Variants in INPP4B observed in about 807,000 individuals in gnomAD.
INPP4B encodes inositol polyphosphate 4-phosphatase type II.
INPP4B carries 55 observed loss-of-function variants against 122.5 expected under a neutral mutation model. The ratio of observed to expected loss-of-function variants is 0.45; its 90% CI spans 0.36 to 0.56. INPP4B has a LOEUF of 0.56. Ranked by LOEUF, INPP4B falls within the 20% of genes least tolerant of loss-of-function variation. INPP4B has a pLI of 0.00. For missense variants in INPP4B, 1,000 were observed against 1,097.7 expected, an observed-to-expected ratio of 0.91 and a Z score of 1.26; for synonymous variants, 403 against 388.7, an observed-to-expected ratio of 1.04 and a Z score of -0.43.
intron 7 of INPP4B, among the ~76,000 whole-genome samples, chr4:142,336,727 C>G (rs1482857809): frequency 6.6e-6 from 1 of 152,226 alleles, no homozygotes; most frequent in Non-Finnish European, 1.5e-5. Flanking sequence ...CTGCAGCAGG[C>G]CAAGTGGGCA....
intron 7 of INPP4B, among the ~76,000 whole-genome samples, chr4:142,370,091 T>C (rs1789286446): frequency 6.6e-6 from 1 of 152,166 alleles, no homozygotes; most frequent in South Asian, 2.1e-4. Context: ...TGTACATGCA[T>C]ACTCTCATTT....
intron 2 of INPP4B, among the ~76,000 whole-genome samples, chr4:142,585,092 T>G (rs1735878784): frequency 6.6e-6 from 1 of 152,112 alleles, no homozygotes; most frequent in Admixed American, 6.6e-5. Context: ...AGGGATGGGA[T>G]TGCTGTTGTT....
intron 2 of INPP4B, among the ~76,000 whole-genome samples, chr4:142,485,088 G>A (rs1821044689): frequency 6.6e-6 from 1 of 152,064 alleles, no homozygotes; most frequent in Admixed American, 6.6e-5. Flanking sequence ...CTAGGGAATA[G>A]AAGTAGCCTC....
At chr4:142,270,371 C>A (rs555735669) in intron 10 of INPP4B, among the ~76,000 whole-genome samples, 2 of 152,116 alleles carry the variant, frequency 1.3e-5, no homozygotes, top group African/African-American at 4.8e-5. Flanking sequence ...TGGTAAAATG[C>A]GACAATGATC....
intron 1 of INPP4B, among the ~76,000 whole-genome samples, chr4:142,764,909 A>C (rs992710415): frequency 1.3e-5 from 2 of 152,118 alleles, no homozygotes; most frequent in African/African-American, 4.8e-5. Context: ...GGGAACCATG[A>C]AACTCGTTAA....
chr4:142,431,231 T>C lies in INPP4B; in HGVS notation c.29A>G (p.Glu10Gly). 1 of 1,613,386 alleles carries C rather than the reference T, an allele frequency of 6.2e-7. No individual in the cohort carries two copies. Among genetic ancestry groups the C allele is most frequent in the South Asian group, 1.1e-5 (1 of 91,068 alleles). ...TGTAGGAAGAAAGTGCTGCCCTTCTTCTGATGCCCCTTCCTCTTTAATTTC... is the reference window on the plus strand; with the variant it reads ...TGTAGGAAGAAAGTGCTGCCCTTCTCCTGATGCCCCTTCCTCTTTAATTTC... Reference protein sequence around the residue: MEIKEEGASEEGQHFLPTAQ... With the variant: MEIKEEGASGEGQHFLPTAQ... The change falls in exon 4 of 26, where the codon GAA becomes GGA. Residue 10 changes from glutamate to glycine, a missense_variant. Physicochemically the swap from Glu to Gly is moderately conservative, Grantham distance 98 (BLOSUM62 -2). Coordinates refer to ENST00000262992, the MANE Select transcript of INPP4B (RefSeq NM_001101669.3).
chr4:142,665,712 A>AG (rs1755919135), intron 2 of INPP4B, among the ~76,000 whole-genome samples: 1 of 152,126 alleles, frequency 6.6e-6, no homozygotes, highest in South Asian at 2.1e-4. Flanking sequence ...ATGTGAAATG[A>AG]TAAAAAATTC....
At chr4:142,680,901 C>T (rs569193360) in intron 2 of INPP4B, among the ~76,000 whole-genome samples, 1 of 151,988 alleles carries the variant, frequency 6.6e-6, no homozygotes, top group African/African-American at 2.4e-5. Flanking sequence ...ACACCCACGA[C>T]ACTCAAACAT....
chr4:142,630,022 G>T (rs1747575860), intron 2 of INPP4B, among the ~76,000 whole-genome samples: 1 of 152,034 alleles, frequency 6.6e-6, no homozygotes, highest in South Asian at 2.1e-4. Flanking sequence ...TCTTCTTATT[G>T]GATTTTGATG....
chr4:142,765,216 T>C lies in INPP4B; in HGVS notation c.-253-39315A>G, dbSNP rs138235184. 7.2e-5 allele frequency among the ~76,000 whole-genome samples: 11 copies of C among 152,116 alleles called. No homozygotes were observed. In the South Asian group the frequency reaches 1.0e-3, roughly 14 times the overall value. Reference sequence around the variant, plus strand: ...CCCAAATTAGAGATTAGCAAGGCAATGAAGATATTGAAGCTTTTAAAAGAT... The same window carrying C: ...CCCAAATTAGAGATTAGCAAGGCAACGAAGATATTGAAGCTTTTAAAAGAT... On this transcript the variant is annotated intron_variant, in intron 1 of 25. Transcript: ENST00000262992.
At chr4:142,760,702 A>G (rs1771205302) in intron 1 of INPP4B, among the ~76,000 whole-genome samples, 1 of 152,152 alleles carries the variant, frequency 6.6e-6, no homozygotes, top group African/African-American at 2.4e-5. Context: ...TTTGTATAAA[A>G]CCACTGAAAA....
chr4:142,434,889 C>T (rs926242734), intron 3 of INPP4B, among the ~76,000 whole-genome samples: 2 of 151,430 alleles, frequency 1.3e-5, no homozygotes, highest in African/African-American at 2.4e-5. Flanking sequence ...AGCTGATAAA[C>T]TAGAAAAAAA....
At chr4:142,072,705 T>C (rs1768237638) in intron 25 of INPP4B, among the ~76,000 whole-genome samples, 2 of 152,002 alleles carry the variant, frequency 1.3e-5, no homozygotes, top group Admixed American at 6.6e-5. Flanking sequence ...GCATTTAATA[T>C]TTACTGATCC....
chr4:142,423,821 T>TAAA, intron 5 of INPP4B: 1 of 361,374 alleles, frequency 2.8e-6, no homozygotes, highest in African/African-American at 2.2e-5. Flanking sequence ...TAATTTCCTA[T>TAAA]AAAAAAAAAA....
intron 2 of INPP4B, among the ~76,000 whole-genome samples, chr4:142,490,110 C>G (rs1003675857): frequency 6.6e-6 from 1 of 151,590 alleles, no homozygotes; most frequent in African/African-American, 2.4e-5. Context: ...CAGGGTCTTG[C>G]TCTGCTACTC....
Position 142,736,984 on chromosome 4 carries a change from A to G in INPP4B, c.-253-11083T>C, listed in dbSNP as rs372713616. 1.1e-4 allele frequency among the ~76,000 whole-genome samples: 16 copies of G among 152,318 alleles called. No homozygotes were observed. In the East Asian group the frequency reaches 2.1e-3, roughly 20 times the overall value. On this transcript the variant is annotated intron_variant, in intron 1 of 25. Transcript: ENST00000262992. ...AGAGGATACAAACAAATGGAAGAAC[A>G]TTCCATGCTCATGGGTAGGAAGAAT...
At position 142,137,713 on chromosome 4, in the gene INPP4B, A is replaced by C. The variant is rs1391732862; in HGVS notation, c.1720+8127T>G. 2.0e-5 allele frequency among the ~76,000 whole-genome samples: 3 copies of C among 148,572 alleles called. No individual in the cohort carries two copies. In the East Asian group the frequency reaches 6.0e-4, roughly 30 times the overall value. On this transcript the variant is annotated intron_variant, in intron 18 of 25. Transcript: ENST00000262992. ...AGAAAAAAACAAACAACCCCATCAA[A>C]AAGTGGGCAAAGGATATGAACAGAC... is the stretch of plus-strand genomic sequence containing the variant.
At chr4:142,561,411 TTTG>T (rs1320730171) in intron 2 of INPP4B, among the ~76,000 whole-genome samples, 2 of 74,246 alleles carry the variant, frequency 2.7e-5, no homozygotes, top group Non-Finnish European at 5.1e-5. Flanking sequence ...TCTTTGTTTT[TTTG>T]TTTGTTTGTT....
At chr4:142,292,381 T>C (rs1756829587) in intron 9 of INPP4B, among the ~76,000 whole-genome samples, 1 of 152,182 alleles carries the variant, frequency 6.6e-6, no homozygotes, top group Non-Finnish European at 1.5e-5. Context: ...TTTTTCCTGA[T>C]ACTAGAAGCA....
Sources: gnomAD v4.1 joint callset for allele counts (sites outside exome capture counted in the v4.1 genomes callset) on GRCh38, gnomAD v4.1.1 for gene constraint, MANE v1.5 for transcripts, NCBI Gene and HGNC (gene_info 2026-07-23, HGNC 2026-07-21) for gene names.